DOCK8: variants seen among roughly 807,000 people sequenced by gnomAD.
The protein encoded by DOCK8 is dedicator of cytokinesis protein 8.
A neutral mutation model predicts 245.6 loss-of-function variants in DOCK8; 141 were observed. That is an observed-to-expected ratio of 0.57 (90% CI 0.50 to 0.66). The LOEUF (loss-of-function observed/expected upper bound fraction) is 0.66. DOCK8 is among the 30% of genes least tolerant of loss of function. The probability of loss-of-function intolerance (pLI) is 0.00; values close to 1 mark genes in which losing one functional copy is unlikely to be tolerated. For missense variants in DOCK8, 2,965 were observed against 2,603.4 expected, an observed-to-expected ratio of 1.14 and a Z score of -3.02; for synonymous variants, 1,168 against 970.2, an observed-to-expected ratio of 1.20 and a Z score of -3.79.
At chr9:228,933 C>T (rs1264502597) in intron 1 of DOCK8, among the ~76,000 whole-genome samples, 1 of 152,142 alleles carries the variant, frequency 6.6e-6, no homozygotes, top group African/African-American at 2.4e-5. Flanking sequence ...CTGAGCTTTC[C>T]CTCTTCACAC....
Position 414,776 on chromosome 9 carries a change from C to A in DOCK8, c.3531-6C>A. 6.2e-7 allele frequency: 1 copy of A among 1,614,150 alleles called. No homozygotes were observed. The highest frequency in any genetic ancestry group is 8.5e-7 in the Non-Finnish European group (1 of 1,180,014). On this transcript the variant is annotated splice_polypyrimidine_tract_variant and splice_region_variant and intron_variant, in intron 28 of 47. Coordinates refer to ENST00000432829, the MANE Select transcript of DOCK8 (RefSeq NM_203447.4). ...TAACCTCTTGATTCCTGTGTTGTGC[C>A]AACAGAATCAGCAAAGTACAAAGGA...
At chr9:286,074 C>T (rs558184476) in intron 2 of DOCK8, among the ~76,000 whole-genome samples, 20 of 152,302 alleles carry the variant, frequency 1.3e-4, no homozygotes, top group African/African-American at 3.1e-4. Flanking sequence ...AAATTGTCTC[C>T]GTTCCCTAGT....
Position 271,631 on chromosome 9 carries a change from T to A in DOCK8, c.58T>A (p.Ser20Thr). 1 of 1,544,422 alleles carries A rather than the reference T, an allele frequency of 6.5e-7. No homozygotes were observed. The highest frequency in any genetic ancestry group is 8.8e-7 in the Non-Finnish European group (1 of 1,140,444). The change falls in exon 2 of 48, where the codon TCT becomes ACT. Residue 20 changes from serine (S) to threonine (T), a missense_variant. Around this residue, in one of 3 missense-constraint regions of DOCK8, gnomAD observed 2,825 missense variants for 2,453.5 expected, o/e 1.15. Coordinates refer to ENST00000432829, the MANE Select transcript of DOCK8 (RefSeq NM_203447.4). ...ATTTTTCTATTTTAATCCAAGGTAT[T>A]CTTCAGCGGAAATAAGGAAACAGTT... ...RAFALKINRY[S>T]SAEIRKQFTL...
chr9:211,989 A>G (rs1439644629), upstream of DOCK8, among the ~76,000 whole-genome samples: 1 of 152,174 alleles, frequency 6.6e-6, no homozygotes, highest in Non-Finnish European at 1.5e-5. Context: ...TGAAGATGTT[A>G]GAGTACAGAA....
Position 336,731 on chromosome 9 carries a change from A to G in DOCK8, c.1422+13A>G, listed in dbSNP as rs1370555698. Reference sequence around the variant, plus strand: ...CTTTTTCAAGCAGGTATCTCTTCACATTACAGTGTGTCTGGATTTTTCCCC... The same window carrying G: ...CTTTTTCAAGCAGGTATCTCTTCACGTTACAGTGTGTCTGGATTTTTCCCC... On this transcript the variant is annotated intron_variant, in intron 12 of 47. Transcript: ENST00000432829. The G allele has an allele frequency of 7.4e-6, 12 of 1,613,862 alleles. No homozygotes were observed. In the Admixed American group the frequency reaches 8.3e-5, roughly 11 times the overall value.
chr9:371,717 G>A, intron 17 of DOCK8, 151 bp downstream of exon 17: 1 of 1,112,994 alleles, frequency 9.0e-7, no homozygotes, highest in Non-Finnish European at 1.3e-6. Context: ...AGGCAGAAAT[G>A]ATTTGCCTTA....
At chr9:284,244 A>T (rs1033214249) in intron 2 of DOCK8, 2 of 152,356 alleles carry the variant, frequency 1.3e-5, no homozygotes, top group African/African-American at 4.8e-5. Context: ...TCTTGTGCAT[A>T]GATGGTGTCT....
At chr9:330,299 C>G (rs921358729) in intron 9 of DOCK8, among the ~76,000 whole-genome samples, 3 of 151,978 alleles carry the variant, frequency 2.0e-5, no homozygotes, top group African/African-American at 7.3e-5. Flanking sequence ...ATTGGTATGC[C>G]GTGCCCAATT....
At chr9:218,510 C>T (rs2046813797) in intron 1 of DOCK8, among the ~76,000 whole-genome samples, 1 of 152,148 alleles carries the variant, frequency 6.6e-6, no homozygotes, top group African/African-American at 2.4e-5. Context: ...TTCGTAATAA[C>T]ATTTGCGTTT....
intron 2 of DOCK8, among the ~76,000 whole-genome samples, chr9:285,455 A>G (rs548422812): frequency 6.4e-4 from 98 of 152,250 alleles, no homozygotes; most frequent in African/African-American, 2.3e-3. Context: ...AGAGAAAAAC[A>G]GTAACTTCCC....
intron 4 of DOCK8, among the ~76,000 whole-genome samples, chr9:296,091 C>T (rs1333509134): frequency 2.6e-5 from 4 of 152,204 alleles, no homozygotes; most frequent in African/African-American, 4.8e-5. Flanking sequence ...CTCATGTTTA[C>T]AGCACCAAAT....
chr9:359,752 C>A (rs765323215), intron 14 of DOCK8, among the ~76,000 whole-genome samples: 22 of 145,468 alleles, frequency 1.5e-4, no homozygotes, highest in Non-Finnish European at 2.1e-4. Flanking sequence ...TTTGTTCATG[C>A]AGTTGGCTTT....
intron 1 of DOCK8, among the ~76,000 whole-genome samples, chr9:267,454 C>A (rs1483755369): frequency 6.6e-6 from 1 of 152,236 alleles, no homozygotes; most frequent in African/African-American, 2.4e-5. Context: ...GATCCACCTG[C>A]TTTGGCCTCC....
chr9:290,089 A>G (rs1433652208), intron 4 of DOCK8, among the ~76,000 whole-genome samples: 1 of 151,938 alleles, frequency 6.6e-6, no homozygotes, highest in East Asian at 1.9e-4. Flanking sequence ...ATAATCTTTC[A>G]TTGCATGGCT....
At chr9:289,846 A>G (rs1050659435) in intron 4 of DOCK8, among the ~76,000 whole-genome samples, 7 of 152,208 alleles carry the variant, frequency 4.6e-5, no homozygotes, top group African/African-American at 9.7e-5. Context: ...CATAGTTTAC[A>G]TTAATGTTTA....
chr9:356,021 TC>T (rs1238564090), intron 14 of DOCK8, among the ~76,000 whole-genome samples: 1 of 152,148 alleles, frequency 6.6e-6, no homozygotes, highest in Non-Finnish European at 1.5e-5. Context: ...GAAATAGGAT[TC>T]TAATAAACCA....
chr9:247,016 A>G (rs539809381), intron 1 of DOCK8, among the ~76,000 whole-genome samples: 1 of 152,214 alleles, frequency 6.6e-6, no homozygotes, highest in South Asian at 2.1e-4. Context: ...TAAGATGAAT[A>G]TTGAATTTAG....
chr9:359,361 C>T (rs2052610997), intron 14 of DOCK8, among the ~76,000 whole-genome samples: 1 of 152,214 alleles, frequency 6.6e-6, no homozygotes, highest in East Asian at 1.9e-4. Context: ...AATGCATTCT[C>T]TTCACACCTC....
intron 1 of DOCK8, 56 bp downstream of exon 1, chr9:215,085 A>C (rs774812265): frequency 6.5e-7 from 1 of 1,528,336 alleles, no homozygotes; most frequent in Non-Finnish European, 8.7e-7. Context: ...CGCTGGTGTG[A>C]AGCGGAGCTT....
Sources: allele counts gnomAD v4.1 joint callset (sites outside exome capture counted in the v4.1 genomes callset), GRCh38; gene constraint gnomAD v4.1.1; regional missense constraint gnomAD v4.1.1; transcripts MANE v1.5; gene names NCBI Gene and HGNC (gene_info 2026-07-23, HGNC 2026-07-21).